The following NOPCHAP1 variants were observed in gnomAD, a reference collection of about 807,000 sequenced individuals.
NOPCHAP1 encodes the protein NOP protein chaperone 1, also known as DNA damage-sensitive RNA 1.
NOPCHAP1 carries 13 observed loss-of-function variants against 14.0 expected under a neutral mutation model. That is an observed-to-expected ratio of 0.93 (90% CI 0.60 to 1.47). The LOEUF (loss-of-function observed/expected upper bound fraction) is 1.47, where lower values mean the gene tolerates loss of function less well. NOPCHAP1 is among the 40% of genes most tolerant of loss of function. NOPCHAP1 has a pLI of 0.00. For synonymous variants in NOPCHAP1, 78 were observed against 78.4 expected (o/e 1.00, Z 0.03); for missense variants, 230 against 226.9 (o/e 1.01, Z -0.09).
rs1592750852 is a variant in NOPCHAP1 at position 105,002,621 on chromosome 12, A to G, written c.*7925A>G. On this transcript the variant is annotated 3_prime_UTR_variant, in exon 4 of 4. Transcript: ENST00000552951. ...AATTTTTCTAGGTCTCATTGGCCCT[A>G]CTCTTGATGAGGTTTTGGGGGAGTC... 6.6e-6 allele frequency: 1 copy of G among 152,126 alleles called. No individual in the cohort carries two copies. The highest frequency in any genetic ancestry group is 1.5e-5 in the Non-Finnish European group (1 of 68,014). The allele number at this position is 152,126 out of a possible 1,614,324, so 9.4% of individuals were successfully genotyped here. A position where few individuals can be genotyped will look rare whatever the true frequency, so the allele number is the denominator to read the frequency against.
intron 3 of NOPCHAP1, among the ~76,000 whole-genome samples, chr12:104,993,931 T>C (rs1184628397): frequency 6.6e-6 from 1 of 152,224 alleles, no homozygotes; most frequent in Non-Finnish European, 1.5e-5. Context: ...TGAATGTGTT[T>C]AGGGTATATA....
In NOPCHAP1 at chr12:104,994,507, G is replaced by A. The variant is rs769120156; in HGVS notation, c.369G>A (p.Ser123=). Residue 123 remains serine, a synonymous_variant, in exon 4 of 4, where the codon TCG becomes TCA. Coordinates refer to ENST00000552951, the MANE Select transcript of NOPCHAP1 (RefSeq NM_152318.3). ...TGGCTTTGTTTGAGATGAATCAGTC[G>A]GATTCAAAAGAAGTGGACAGTTCAG... is the stretch of plus-strand genomic sequence containing the variant. ...MDVALFEMNQ[S]DSKEVDSSEE... 16 of 1,613,628 alleles carry A rather than the reference G, an allele frequency of 9.9e-6. No individual in the cohort carries two copies. The highest frequency in any genetic ancestry group is 2.2e-5 in the East Asian group (1 of 44,874).
Position 104,994,972 on chromosome 12 carries a change from T to A in NOPCHAP1, c.*276T>A, listed in dbSNP as rs1404626628. 15 of 390,802 alleles carry A rather than the reference T, an allele frequency of 3.8e-5. No individual in the cohort carries two copies. The highest frequency in any genetic ancestry group is 2.7e-4 in the African/African-American group (13 of 47,560). The allele number at this position is 390,802 out of a possible 1,614,324, so 24.2% of individuals were successfully genotyped here. On this transcript the variant is annotated 3_prime_UTR_variant, in exon 4 of 4. Coordinates refer to ENST00000552951, the MANE Select transcript of NOPCHAP1 (RefSeq NM_152318.3). ...ACAGAAGTAGAGTACAGGAATAACT[T>A]GATGGGTTACAGCTAGGTGTTTGCC...
At position 105,006,502 on chromosome 12, in the gene NOPCHAP1, T is replaced by C. The variant is rs1439110413; in HGVS notation, c.*11806T>C. Reference sequence around the variant, plus strand: ...CAAAAGAACTATAAAAGACAGTTCCTTATTTGCAAGATACTTCTTGACCTT... The same window carrying C: ...CAAAAGAACTATAAAAGACAGTTCCCTATTTGCAAGATACTTCTTGACCTT... On this transcript the variant is annotated 3_prime_UTR_variant, in exon 4 of 4. Transcript: ENST00000552951. The C allele has an allele frequency of 6.6e-6, 1 of 152,202 alleles. No individual in the cohort carries two copies. The highest frequency in any genetic ancestry group is 1.5e-5 in the Non-Finnish European group (1 of 68,038). The allele number at this position is 152,202 out of a possible 1,614,324, so 9.4% of individuals were successfully genotyped here. A position where few individuals can be genotyped will look rare whatever the true frequency, so the allele number is the denominator to read the frequency against.
At position 105,017,209 on chromosome 12, in the gene NOPCHAP1, G is replaced by A. The variant is rs186931860; in HGVS notation, c.*22513G>A. 1 of 152,260 alleles carries A rather than the reference G, an allele frequency of 6.6e-6. No homozygotes were observed. Among genetic ancestry groups the A allele is most frequent in the Non-Finnish European group, 1.5e-5 (1 of 68,016 alleles). 9.4% of individuals were successfully genotyped at this position (152,260 alleles called of 1,614,324 possible). On this transcript the variant is annotated 3_prime_UTR_variant, in exon 4 of 4. Coordinates refer to ENST00000552951, the MANE Select transcript of NOPCHAP1 (RefSeq NM_152318.3). ...TGTATCCATGACCGTGATAAGAAAT[G>A]TAAGAAAAGGCCAGGCATGGTGGCT...
chr12:104,991,255 A>G (rs1485258087), intron 2 of NOPCHAP1, among the ~76,000 whole-genome samples: 2 of 152,216 alleles, frequency 1.3e-5, no homozygotes, highest in Non-Finnish European at 2.9e-5. Context: ...CTTAAAAGGA[A>G]AGCCAGGGTT....
chr12:104,997,627 T>A lies in NOPCHAP1; in HGVS notation c.*2931T>A, dbSNP rs1873524496. 2 of 152,228 alleles carry A rather than the reference T, an allele frequency of 1.3e-5. No individual in the cohort carries two copies. Among genetic ancestry groups the A allele is most frequent in the African/African-American group, 4.8e-5 (2 of 41,452 alleles). The allele number at this position is 152,228 out of a possible 1,614,324, so 9.4% of individuals were successfully genotyped here. On this transcript the variant is annotated 3_prime_UTR_variant, in exon 4 of 4. Coordinates refer to ENST00000552951, the MANE Select transcript of NOPCHAP1 (RefSeq NM_152318.3). Reference sequence around the variant, plus strand: ...GACTTGCCCCTTCTCTCTCACTGCCTTTAGCATTTTTTCTTTCATTTCCAC... The same window carrying A: ...GACTTGCCCCTTCTCTCTCACTGCCATTAGCATTTTTTCTTTCATTTCCAC...
At position 104,997,793 on chromosome 12, in the gene NOPCHAP1, G is replaced by A. The variant is rs1299874485; in HGVS notation, c.*3097G>A. ...TTTCATCAGCGATATCCTGAAATAT[G>A]TTTTCAAAGTTGCTTGGTTTCTCTC... On this transcript the variant is annotated 3_prime_UTR_variant, in exon 4 of 4. Transcript: ENST00000552951. 6.6e-6 allele frequency: 1 copy of A among 152,176 alleles called. No individual in the cohort carries two copies. The highest frequency in any genetic ancestry group is 6.5e-5 in the Admixed American group (1 of 15,290). The allele number at this position is 152,176 out of a possible 1,614,324, so 9.4% of individuals were successfully genotyped here. A position where few individuals can be genotyped will look rare whatever the true frequency, so the allele number is the denominator to read the frequency against.
At chr12:104,991,041 G>T (rs1873363759) in intron 2 of NOPCHAP1, among the ~76,000 whole-genome samples, 1 of 152,132 alleles carries the variant, frequency 6.6e-6, no homozygotes, top group South Asian at 2.1e-4. Flanking sequence ...AGCAGCTTCA[G>T]CCTTATATTC....
chr12:104,987,704 T>G (rs1873271373), intron 1 of NOPCHAP1, among the ~76,000 whole-genome samples: 1 of 152,204 alleles, frequency 6.6e-6, no homozygotes, highest in Non-Finnish European at 1.5e-5. Context: ...TTCCTTGGGT[T>G]GAACGTCTTC....
Position 105,015,431 on chromosome 12 carries a change from A to C in NOPCHAP1, c.*20735A>C, listed in dbSNP as rs921310761. The C allele has an allele frequency of 6.6e-6, 1 of 152,226 alleles. No individual in the cohort carries two copies. Among genetic ancestry groups the C allele is most frequent in the Non-Finnish European group, 1.5e-5 (1 of 68,040 alleles). The allele number at this position is 152,226 out of a possible 1,614,324, so 9.4% of individuals were successfully genotyped here. On this transcript the variant is annotated 3_prime_UTR_variant, in exon 4 of 4. Coordinates refer to ENST00000552951, the MANE Select transcript of NOPCHAP1 (RefSeq NM_152318.3). ...ATCATAGACGGTTCCAGGCAGGAGAATATGAAGATGTAATTTCAAGTACAG... is the reference window on the plus strand; with the variant it reads ...ATCATAGACGGTTCCAGGCAGGAGACTATGAAGATGTAATTTCAAGTACAG...
At chr12:104,989,769 G>GT (rs1193784163) in intron 2 of NOPCHAP1, among the ~76,000 whole-genome samples, 2 of 152,164 alleles carry the variant, frequency 1.3e-5, no homozygotes, top group Non-Finnish European at 2.9e-5. Context: ...AGTTGAGGTT[G>GT]TCTCACAGCT....
rs1443398888 is a variant in NOPCHAP1, at chr12:104,995,890, G to T, written c.*1194G>T. 2 of 150,474 alleles carry T rather than the reference G, an allele frequency of 1.3e-5. No homozygotes were observed. The allele number at this position is 150,474 out of a possible 1,614,324, so 9.3% of individuals were successfully genotyped here. On this transcript the variant is annotated 3_prime_UTR_variant, in exon 4 of 4. Transcript: ENST00000552951. ...TTTTTAGTAGAGACGGGATTTCACCGTGTTAGCCAGGATGGTCTCAATCTC... is the reference window on the plus strand; with the variant it reads ...TTTTTAGTAGAGACGGGATTTCACCTTGTTAGCCAGGATGGTCTCAATCTC...
chr12:105,001,539 A>T lies in NOPCHAP1; in HGVS notation c.*6843A>T, dbSNP rs1873610361. On this transcript the variant is annotated 3_prime_UTR_variant, in exon 4 of 4. Coordinates refer to ENST00000552951, the MANE Select transcript of NOPCHAP1 (RefSeq NM_152318.3). ...ACAGTTCTGGTTCAGGAGAGTCAGG[A>T]AACTCTAAGATTATTTGTCCCTCTG... is the stretch of plus-strand genomic sequence containing the variant. The T allele has an allele frequency of 1.3e-5, 2 of 152,212 alleles. No individual in the cohort carries two copies. The highest frequency in any genetic ancestry group is 1.3e-4 in the Admixed American group (2 of 15,284). The allele number at this position is 152,212 out of a possible 1,614,324, so 9.4% of individuals were successfully genotyped here.
At position 105,002,978 on chromosome 12, in the gene NOPCHAP1, A is replaced by G. The variant is rs1296270968; in HGVS notation, c.*8282A>G. The G allele has an allele frequency of 6.6e-6, 1 of 152,186 alleles. No homozygotes were observed. The highest frequency in any genetic ancestry group is 1.5e-5 in the Non-Finnish European group (1 of 68,028). 9.4% of individuals were successfully genotyped at this position (152,186 alleles called of 1,614,324 possible). A position where few individuals can be genotyped will look rare whatever the true frequency, so the allele number is the denominator to read the frequency against. On this transcript the variant is annotated 3_prime_UTR_variant, in exon 4 of 4. Coordinates refer to ENST00000552951, the MANE Select transcript of NOPCHAP1 (RefSeq NM_152318.3). ...AGTAGTTGAGCAAAAAGGTTATTAG[A>G]CTCAGAGTATTGAGGTAAAGATGGG...
In NOPCHAP1 at chr12:104,990,454, C is replaced by G. The variant is rs74496063; in HGVS notation, c.203-1258C>G. Among the ~76,000 whole-genome samples, 9 of 152,334 alleles carry G rather than the reference C, an allele frequency of 5.9e-5. No homozygotes were observed. The East Asian group carries it at 1.7e-3, about 29-fold the overall frequency. The stretch of plus-strand genomic sequence containing the variant: ...GAAGGGGAATGAGAGCTAACATTCA[C>G]TATTACGTCGGGCTTTATTTGTGTG... On this transcript the variant is annotated intron_variant, in intron 2 of 3. Coordinates refer to ENST00000552951, the MANE Select transcript of NOPCHAP1 (RefSeq NM_152318.3).
rs1873819063 is a variant in NOPCHAP1, at chr12:105,011,512, G to C, written c.*16816G>C. The C allele has an allele frequency of 6.6e-6, 1 of 152,102 alleles. No individual in the cohort carries two copies. Among genetic ancestry groups the C allele is most frequent in the Non-Finnish European group, 1.5e-5 (1 of 68,018 alleles). The allele number at this position is 152,102 out of a possible 1,614,324, so 9.4% of individuals were successfully genotyped here. On this transcript the variant is annotated 3_prime_UTR_variant, in exon 4 of 4. Transcript: ENST00000552951. The stretch of plus-strand genomic sequence containing the variant: ...TCCATTTACATTTAAGGTTAATATT[G>C]TTATGTGCGAATTTGATCCTGTCAT...
chr12:104,992,561 A>G (rs1488357849), intron 3 of NOPCHAP1, among the ~76,000 whole-genome samples: 1 of 152,190 alleles, frequency 6.6e-6, no homozygotes, highest in Admixed American at 6.5e-5. Context: ...CAAAGGGTCC[A>G]TATGATCCTG....
chr12:104,992,536 A>G (rs182543314), intron 3 of NOPCHAP1, among the ~76,000 whole-genome samples: 15 of 152,266 alleles, frequency 9.9e-5, no homozygotes, highest in African/African-American at 3.1e-4. Flanking sequence ...CACGTTTCAA[A>G]TAAACTAAGT....
Sources: allele counts gnomAD v4.1 joint callset (sites outside exome capture counted in the v4.1 genomes callset), GRCh38; gene constraint gnomAD v4.1.1; transcripts MANE v1.5; gene names NCBI Gene and HGNC (gene_info 2026-07-23, HGNC 2026-07-21).